Variants in MYT1L observed in about 807,000 individuals in gnomAD.
MYT1L encodes the protein myelin transcription factor 1-like protein.
In MYT1L, 12 loss-of-function variants were observed where a neutral mutation model predicts 126.7. The ratio of observed to expected loss-of-function variants is 0.09; its 90% CI spans 0.06 to 0.15. MYT1L has a LOEUF of 0.15. Among genes scored for constraint, MYT1L ranks in the 10% least tolerant of loss-of-function variants. The probability of loss-of-function intolerance (pLI) is 1.00; values close to 1 mark genes in which losing one functional copy is unlikely to be tolerated. For synonymous variants in MYT1L, 541 were observed against 604.2 expected (o/e 0.90, Z 1.53); for missense variants, 979 against 1,585.2 (o/e 0.62, Z 6.49).
chr2:1,795,002 C>A (rs755755007), intron 23 of MYT1L, among the ~76,000 whole-genome samples: 6 of 152,190 alleles, frequency 3.9e-5, no homozygotes, highest in African/African-American at 1.4e-4. Flanking sequence ...GGTCTTGCAG[C>A]CTCACCTCCC....
At chr2:2,272,768 G>A (rs2095288401) in intron 2 of MYT1L, among the ~76,000 whole-genome samples, 1 of 152,128 alleles carries the variant, frequency 6.6e-6, no homozygotes, top group Non-Finnish European at 1.5e-5. Flanking sequence ...TTCTAGTTGA[G>A]CAAATGGCAC....
intron 3 of MYT1L, among the ~76,000 whole-genome samples, chr2:2,138,049 C>T (rs1430088692): frequency 6.6e-6 from 1 of 152,154 alleles, no homozygotes; most frequent in Non-Finnish European, 1.5e-5. Context: ...AGACACTTCG[C>T]AAAATAAGAC....
intron 3 of MYT1L, among the ~76,000 whole-genome samples, chr2:2,132,356 A>C (rs539336857): frequency 2.0e-5 from 3 of 152,356 alleles, no homozygotes; most frequent in Admixed American, 6.5e-5. Flanking sequence ...AGACTGGATA[A>C]AGAAAATGTG....
rs141305363 is a variant in MYT1L, at chr2:1,970,351, G to A, written c.152+8814C>T. On this transcript the variant is annotated intron_variant, in intron 8 of 24. Transcript: ENST00000647738. ...GTATTTGCCGTGAGTGCAGATTCCA[G>A]GCCCTCACTGTACCCAGGATAGTCT... 4.1e-3 allele frequency among the ~76,000 whole-genome samples: 631 copies of A among 152,296 alleles called. 7 individuals are homozygous for A. Among genetic ancestry groups the A allele is most frequent in the African/African-American group, 0.015 (609 of 41,560 alleles).
chr2:1,851,553 C>T lies in MYT1L; in HGVS notation c.2774+88G>A, dbSNP rs530457961. On this transcript the variant is annotated intron_variant, in intron 19 of 24. Transcript: ENST00000647738. ...TAATTTTGCCCATGGTGTCAAACTT[C>T]GCAAGGCTTGGAGCCTGACGTGAGT... 3.5e-4 allele frequency: 468 copies of T among 1,346,916 alleles called. 5 individuals are homozygous for T. The East Asian group carries it at 9.2e-3, about 27-fold the overall frequency. 83.4% of individuals were successfully genotyped at this position (1,346,916 alleles called of 1,614,324 possible). A position where few individuals can be genotyped will look rare whatever the true frequency, so the allele number is the denominator to read the frequency against.
intron 18 of MYT1L, among the ~76,000 whole-genome samples, chr2:1,853,272 C>A (rs533279346): frequency 6.6e-6 from 1 of 152,150 alleles, no homozygotes; most frequent in Non-Finnish European, 1.5e-5. Context: ...CTAAGGGGAA[C>A]TGGGGATTTT....
intron 4 of MYT1L, among the ~76,000 whole-genome samples, chr2:2,011,597 T>G (rs926281501): frequency 6.6e-6 from 1 of 151,972 alleles, no homozygotes; most frequent in East Asian, 1.9e-4. Flanking sequence ...AAAAACAATC[T>G]ACAGAAGGGG....
rs138524134 is a variant in MYT1L at position 2,176,021 on chromosome 2, G to A, written c.-420-3033C>T. ...AAGGAGCTTGTTTCCTTTGTACCAA[G>A]TTAAACGGATTTCAGTTAGCTCACT... On this transcript the variant is annotated intron_variant, in intron 2 of 24. Transcript: ENST00000647738. Among the ~76,000 whole-genome samples the A allele has an allele frequency of 3.9e-3, 599 of 152,316 alleles. 4 individuals are homozygous for A. Among genetic ancestry groups the A allele is most frequent in the African/African-American group, 0.014 (571 of 41,568 alleles).
chr2:2,266,500 G>A (rs1334988669), intron 2 of MYT1L, among the ~76,000 whole-genome samples: 1 of 152,170 alleles, frequency 6.6e-6, no homozygotes, highest in Non-Finnish European at 1.5e-5. Context: ...GGTGGGGTGG[G>A]GTGAGGGACC....
At position 1,850,033 on chromosome 2, in the gene MYT1L, A is replaced by AGG. The variant is rs144095840; in HGVS notation, c.2774+1606_2774+1607dup. Among the ~76,000 whole-genome samples, 422 of 118,016 alleles carry AGG rather than the reference A, an allele frequency of 3.6e-3. 5 individuals are homozygous for AGG. Among genetic ancestry groups the AGG allele is most frequent in the Middle Eastern group, 0.018 (4 of 228 alleles). 77.4% of individuals were successfully genotyped at this position (118,016 alleles called of 152,430 possible). A position where few individuals can be genotyped will look rare whatever the true frequency, so the allele number is the denominator to read the frequency against. Reference sequence around the variant, plus strand: ...CCGTGCTCTAGGGGGCGGGGTGGTGAGGGGGGGGCCATTATCCACTGCTGA... The same window carrying AGG: ...CCGTGCTCTAGGGGGCGGGGTGGTGAGGGGGGGGGGCCATTATCCACTGCTGA... On this transcript the variant is annotated intron_variant, in intron 19 of 24. Transcript: ENST00000647738.
At chr2:1,977,892 G>T (rs1445303845) in intron 8 of MYT1L, among the ~76,000 whole-genome samples, 1 of 152,000 alleles carries the variant, frequency 6.6e-6, no homozygotes, top group African/African-American at 2.4e-5. Flanking sequence ...AATACTTTAA[G>T]TAAACTACTT....
At chr2:1,951,868 T>C (rs953813335) in intron 8 of MYT1L, among the ~76,000 whole-genome samples, 6 of 152,210 alleles carry the variant, frequency 3.9e-5, no homozygotes, top group African/African-American at 1.2e-4. Context: ...GTTACTCTTA[T>C]ACGTTTCTAG....
At chr2:1,988,346 G>A (rs1453793688) in intron 5 of MYT1L, among the ~76,000 whole-genome samples, 1 of 152,204 alleles carries the variant, frequency 6.6e-6, no homozygotes, top group Non-Finnish European at 1.5e-5. Flanking sequence ...AGGTGGGCCC[G>A]TGATGATACG....
At chr2:2,010,234 A>G (rs1286336856) in intron 4 of MYT1L, among the ~76,000 whole-genome samples, 2 of 152,158 alleles carry the variant, frequency 1.3e-5, no homozygotes, top group Admixed American at 6.5e-5. Flanking sequence ...GGTGAGACGT[A>G]CAGGCAGCAG....
At chr2:1,931,364 C>T (rs951153211) in intron 9 of MYT1L, among the ~76,000 whole-genome samples, 4 of 151,890 alleles carry the variant, frequency 2.6e-5, no homozygotes, top group African/African-American at 9.7e-5. Flanking sequence ...CTTGCAAGTA[C>T]TTCCTCCACC....
chr2:1,807,277 C>A (rs2035866643), intron 22 of MYT1L, among the ~76,000 whole-genome samples: 1 of 152,246 alleles, frequency 6.6e-6, no homozygotes, highest in South Asian at 2.1e-4. Context: ...CAGGTACACA[C>A]ACGTGGGACG....
chr2:1,968,867 C>T (rs911182604), intron 8 of MYT1L, among the ~76,000 whole-genome samples: 3 of 151,908 alleles, frequency 2.0e-5, no homozygotes, highest in East Asian at 1.9e-4. Flanking sequence ...GGCAGGTGGG[C>T]GGGGGCGGCT....
At chr2:1,903,371 G>C in intron 13 of MYT1L, 77 bp from the exon 14 acceptor site, 1 of 1,167,428 alleles carries the variant, frequency 8.6e-7, no homozygotes, top group East Asian at 2.6e-5. Flanking sequence ...ATTAAAACTA[G>C]AATATCTTAC....
chr2:2,023,376 G>A (rs1367057421), intron 4 of MYT1L, among the ~76,000 whole-genome samples: 3 of 152,368 alleles, frequency 2.0e-5, no homozygotes, highest in African/African-American at 7.2e-5. Context: ...CTGCCTGGAT[G>A]TTGCCTGTGG....
Sources: allele counts gnomAD v4.1 joint callset (sites outside exome capture counted in the v4.1 genomes callset), GRCh38; gene constraint gnomAD v4.1.1; transcripts MANE v1.5; gene names NCBI Gene and HGNC (gene_info 2026-07-23, HGNC 2026-07-21).